The following THADA variants were observed in gnomAD, a reference collection of about 807,000 sequenced individuals.
THADA encodes the protein THADA armadillo repeat containing, also known as tRNA (32-2'-O)-methyltransferase regulator THADA.
Under a neutral mutation model 219.8 loss-of-function variants are expected in THADA, and 213 were observed. The ratio of observed to expected loss-of-function variants is 0.97; its 90% confidence interval spans 0.87 to 1.09. The LOEUF (loss-of-function observed/expected upper bound fraction) is 1.09, where lower values mean the gene tolerates loss of function less well. THADA is among the 50% of genes least tolerant of loss of function. The probability of loss-of-function intolerance (pLI) is 0.00; values close to 1 mark genes in which losing one functional copy is unlikely to be tolerated. For missense variants in THADA, 2,956 were observed against 2,311.3 expected, an observed-to-expected ratio of 1.28 and a Z score of -5.72; for synonymous variants, 1,018 against 828.9, an observed-to-expected ratio of 1.23 and a Z score of -3.92.
intron 36 of THADA, among the ~76,000 whole-genome samples, chr2:43,272,783 C>G (rs534918753): frequency 3.6e-4 from 54 of 152,052 alleles, no homozygotes; most frequent in African/African-American, 1.2e-3. Context: ...CACCACTACA[C>G]TTGGCTAATT....
intron 36 of THADA, among the ~76,000 whole-genome samples, chr2:43,241,591 TA>T (rs200831799): frequency 2.0e-5 from 3 of 148,292 alleles, no homozygotes; most frequent in East Asian, 2.0e-4. Flanking sequence ...CACATGGATT[TA>T]AAAAAAAATC....
At chr2:43,394,382 A>G (rs1673775909) in intron 29 of THADA, among the ~76,000 whole-genome samples, 1 of 152,262 alleles carries the variant, frequency 6.6e-6, no homozygotes. Flanking sequence ...GAGATTTGAT[A>G]TATTTATGTA....
chr2:43,448,688 C>T (rs1012072879), intron 26 of THADA, among the ~76,000 whole-genome samples: 1 of 150,868 alleles, frequency 6.6e-6, no homozygotes, highest in Non-Finnish European at 1.5e-5. Flanking sequence ...AGAAGGTTAC[C>T]ACACACACCC....
chr2:43,442,731 G>T (rs570107083), intron 26 of THADA, among the ~76,000 whole-genome samples: 1 of 152,186 alleles, frequency 6.6e-6, no homozygotes, highest in East Asian at 1.9e-4. Flanking sequence ...GAAACATGGT[G>T]ACCCCATGGA....
intron 25 of THADA, among the ~76,000 whole-genome samples, chr2:43,491,724 T>C (rs753191603): frequency 1.6e-4 from 25 of 152,186 alleles, no homozygotes; most frequent in Non-Finnish European, 3.2e-4. Flanking sequence ...TGTGCATGTA[T>C]ACAATATGAT....
At chr2:43,475,186 G>T (rs1032641306) in intron 26 of THADA, among the ~76,000 whole-genome samples, 1 of 152,162 alleles carries the variant, frequency 6.6e-6, no homozygotes, top group African/African-American at 2.4e-5. Context: ...GGAGGCTGAG[G>T]TGGGTGGATC....
At chr2:43,515,212 A>AC (rs1691419823) in intron 22 of THADA, among the ~76,000 whole-genome samples, 1 of 79,388 alleles carries the variant, frequency 1.3e-5, no homozygotes, top group Non-Finnish European at 2.2e-5. Flanking sequence ...TATATAATAT[A>AC]TAATATATTA....
intron 36 of THADA, among the ~76,000 whole-genome samples, chr2:43,278,099 C>T (rs571690178): frequency 1.6e-3 from 238 of 151,976 alleles, no homozygotes; most frequent in Non-Finnish European, 2.1e-3. Flanking sequence ...TACGGGTGCC[C>T]GCCACCATGC....
intron 21 of THADA, among the ~76,000 whole-genome samples, chr2:43,535,115 T>A (rs987048368): frequency 7.9e-5 from 12 of 151,868 alleles, no homozygotes; most frequent in African/African-American, 2.7e-4. Flanking sequence ...CATTTTTTCA[T>A]ATATTTGTTC....
chr2:43,337,694 TACACACACAC>T (rs139544201), intron 30 of THADA, among the ~76,000 whole-genome samples: 6 of 146,302 alleles, frequency 4.1e-5, no homozygotes, highest in Non-Finnish European at 1.5e-5. Context: ...CACACACTCA[TACACACACAC>T]ACACACACAC....
intron 25 of THADA, among the ~76,000 whole-genome samples, chr2:43,488,558 C>T (rs968339367): frequency 3.3e-5 from 5 of 152,042 alleles, no homozygotes; most frequent in Admixed American, 6.6e-5. Flanking sequence ...ACAGATATAC[C>T]GTATTTTTAA....
intron 29 of THADA, among the ~76,000 whole-genome samples, chr2:43,387,709 G>C (rs1209375536): frequency 2.0e-5 from 3 of 152,088 alleles, no homozygotes; most frequent in Non-Finnish European, 4.4e-5. Context: ...AGACATTTTT[G>C]GTTGTTGTTG....
At chr2:43,591,335 A>G (rs1431625218) in intron 3 of THADA, among the ~76,000 whole-genome samples, 1 of 152,202 alleles carries the variant, frequency 6.6e-6, no homozygotes, top group African/African-American at 2.4e-5. Context: ...AAAAAAATAA[A>G]TAAAACAAAG....
intron 26 of THADA, among the ~76,000 whole-genome samples, chr2:43,478,184 G>A (rs1355123395): frequency 6.6e-6 from 1 of 152,020 alleles, no homozygotes; most frequent in Non-Finnish European, 1.5e-5. Context: ...AGTATTCAAT[G>A]AAAAAATTAA....
intron 36 of THADA, among the ~76,000 whole-genome samples, chr2:43,249,818 C>T (rs1419972889): frequency 6.6e-6 from 1 of 152,044 alleles, no homozygotes; most frequent in Non-Finnish European, 1.5e-5. Flanking sequence ...TGTCTTTCTT[C>T]TGATTACCAG....
chr2:43,282,777 G>A (rs1673513965), intron 35 of THADA, among the ~76,000 whole-genome samples: 1 of 152,154 alleles, frequency 6.6e-6, no homozygotes, highest in Admixed American at 6.5e-5. Flanking sequence ...CAATTCCTTA[G>A]GATATTCTCA....
chr2:43,230,962 C>T lies in THADA; in HGVS notation c.5848G>A (p.Glu1950Lys), dbSNP rs1159785897. 26 of 1,608,144 alleles carry T rather than the reference C, an allele frequency of 1.6e-5. No homozygotes were observed. Among genetic ancestry groups the T allele is most frequent in the Non-Finnish European group, 2.1e-5 (25 of 1,175,294 alleles). Residue 1950 changes from glutamate (E) to lysine (K), a missense_variant, in exon 38 of 38, where the codon GAA (glutamate) becomes AAA (lysine). By Grantham distance (56) the Glu-to-Lys change is moderately conservative. Transcript: ENST00000405975. The stretch of plus-strand genomic sequence containing the variant: ...CCAGATTTTCTTCAACATGCCGCTT[C>T]TGTTCTTGGAAGAGTTAACTGCCTC... ...ESRQLTLPRT[E>K]AAC
chr2:43,536,966 G>C (rs555710587), intron 21 of THADA, among the ~76,000 whole-genome samples: 8 of 152,262 alleles, frequency 5.3e-5, no homozygotes, highest in African/African-American at 1.4e-4. Flanking sequence ...ATAAAGTAGT[G>C]AGCCTTAATC....
chr2:43,400,472 T>TATATATATATATATATAA (rs1477151044), intron 28 of THADA, among the ~76,000 whole-genome samples: 82 of 144,094 alleles, frequency 5.7e-4, no homozygotes, highest in African/African-American at 1.9e-3. Context: ...TATATATATA[T>TATATATATATATATATAA]ATATAAATAT....
Sources: allele counts gnomAD v4.1 joint callset (sites outside exome capture counted in the v4.1 genomes callset), GRCh38; gene constraint gnomAD v4.1.1; transcripts MANE v1.5; gene names NCBI Gene and HGNC (gene_info 2026-07-23, HGNC 2026-07-21).